PJA2: variants seen among roughly 807,000 people sequenced by gnomAD.
PJA2 encodes the protein E3 ubiquitin-protein ligase Praja-2.
A neutral mutation model predicts 69.3 loss-of-function variants in PJA2; 25 were observed. That is an observed-to-expected ratio of 0.36 (90% CI 0.26 to 0.50). PJA2 has a LOEUF of 0.50. Among genes scored for constraint, PJA2 ranks in the 20% least tolerant of loss-of-function variants. PJA2 has a pLI of 0.96. For synonymous variants in PJA2, 308 were observed against 277.8 expected, an observed-to-expected ratio of 1.11 and a Z score of -1.08; for missense variants, 809 against 830.2, an observed-to-expected ratio of 0.97 and a Z score of 0.31.
intron 2 of PJA2, among the ~76,000 whole-genome samples, chr5:109,383,200 T>C (rs1426147354): frequency 6.6e-6 from 1 of 152,158 alleles, no homozygotes; most frequent in Non-Finnish European, 1.5e-5. Context: ...CCAAGCTAAA[T>C]GGGTATGGAA....
At chr5:109,358,000 T>C (rs1023829556) in intron 6 of PJA2, among the ~76,000 whole-genome samples, 2 of 152,240 alleles carry the variant, frequency 1.3e-5, no homozygotes, top group Non-Finnish European at 2.9e-5. Context: ...GCAGTCACCA[T>C]GGTAATAACT....
intron 2 of PJA2, among the ~76,000 whole-genome samples, chr5:109,382,794 G>C (rs1747080267): frequency 6.6e-6 from 1 of 150,780 alleles, no homozygotes. Context: ...GTTGCAGTGA[G>C]CCAAGACTGT....
intron 4 of PJA2, among the ~76,000 whole-genome samples, chr5:109,372,703 C>T (rs1325077791): frequency 1.3e-5 from 2 of 151,456 alleles, no homozygotes; most frequent in Non-Finnish European, 2.9e-5. Context: ...GTCGGGAGCT[C>T]GAGACCAGCC....
At chr5:109,398,737 T>G (rs1322611792) in intron 1 of PJA2, among the ~76,000 whole-genome samples, 4 of 151,380 alleles carry the variant, frequency 2.6e-5, no homozygotes, top group Non-Finnish European at 5.9e-5. Context: ...GTAACAAACC[T>G]GCACATTGTG....
At chr5:109,367,306 C>G (rs1485525584) in intron 5 of PJA2, among the ~76,000 whole-genome samples, 2 of 150,776 alleles carry the variant, frequency 1.3e-5, no homozygotes, top group African/African-American at 4.9e-5. Flanking sequence ...CCTAGATTTT[C>G]TTATAGGATT....
intron 1 of PJA2, among the ~76,000 whole-genome samples, chr5:109,385,170 G>A (rs1329746874): frequency 6.6e-6 from 1 of 152,212 alleles, no homozygotes; most frequent in Admixed American, 6.5e-5. Context: ...CCACAGAAGA[G>A]ATATTTGACT....
chr5:109,341,547 G>A (rs1474318479), intron 9 of PJA2, among the ~76,000 whole-genome samples: 3 of 140,336 alleles, frequency 2.1e-5, no homozygotes, highest in Non-Finnish European at 3.2e-5. Flanking sequence ...CGGGAGGGAG[G>A]TGGGGGGGGG....
intron 5 of PJA2, among the ~76,000 whole-genome samples, chr5:109,365,551 T>C (rs551430781): frequency 1.3e-5 from 2 of 150,794 alleles, no homozygotes; most frequent in African/African-American, 4.9e-5. Flanking sequence ...TTCCATACTG[T>C]CTAAACTCAC....
chr5:109,346,955 G>A (rs1178776126), intron 7 of PJA2, among the ~76,000 whole-genome samples: 1 of 152,120 alleles, frequency 6.6e-6, no homozygotes, highest in East Asian at 1.9e-4. Context: ...TCTTCTGGAT[G>A]GCAAACATAA....
chr5:109,381,212 T>C (rs1269323563), intron 3 of PJA2, among the ~76,000 whole-genome samples: 1 of 152,084 alleles, frequency 6.6e-6, no homozygotes, highest in Non-Finnish European at 1.5e-5. Context: ...TCAAAATATA[T>C]CTTTTTGATT....
intron 1 of PJA2, among the ~76,000 whole-genome samples, chr5:109,385,629 G>C (rs1747140568): frequency 6.6e-6 from 1 of 152,166 alleles, no homozygotes; most frequent in Non-Finnish European, 1.5e-5. Flanking sequence ...GGAGTTGTCA[G>C]TGTATAGATT....
Position 109,361,000 on chromosome 5 carries a change from C to T in PJA2, c.1652+1840G>A, listed in dbSNP as rs1021231950. 8.5e-5 allele frequency among the ~76,000 whole-genome samples: 13 copies of T among 152,104 alleles called. No individual in the cohort carries two copies. The East Asian group carries it at 2.5e-3, about 29-fold the overall frequency. The stretch of plus-strand genomic sequence containing the variant: ...CAAATTAGCCAGGTGTGGTGGCAGG[C>T]GCCTGTAATCCCAGCTACTTGGGAG... On this transcript the variant is annotated intron_variant, in intron 6 of 9. Coordinates refer to ENST00000361189, the MANE Select transcript of PJA2 (RefSeq NM_014819.5).
At chr5:109,390,261 GA>G (rs1162937872) in intron 1 of PJA2, among the ~76,000 whole-genome samples, 2 of 151,808 alleles carry the variant, frequency 1.3e-5, no homozygotes, top group African/African-American at 4.8e-5. Context: ...TACATATTTG[GA>G]AGCTGTGTTA....
At chr5:109,399,551 A>T (rs1380861801) in intron 1 of PJA2, among the ~76,000 whole-genome samples, 1 of 152,232 alleles carries the variant, frequency 6.6e-6, no homozygotes, top group Non-Finnish European at 1.5e-5. Context: ...ATGCAACCAC[A>T]GAAACGAAAT....
At chr5:109,368,933 G>C (rs1762628407) in intron 4 of PJA2, among the ~76,000 whole-genome samples, 187 bp from the exon 5 acceptor site, 1 of 152,088 alleles carries the variant, frequency 6.6e-6, no homozygotes, top group South Asian at 2.1e-4. Flanking sequence ...CTTCATAAGA[G>C]TTTAGCATTA....
At chr5:109,351,318 A>G (rs1188988805) in intron 7 of PJA2, among the ~76,000 whole-genome samples, 1 of 152,150 alleles carries the variant, frequency 6.6e-6, no homozygotes, top group Non-Finnish European at 1.5e-5. Context: ...AATATGTCTC[A>G]TTCCGGTAAT....
At chr5:109,408,936 C>T (rs1747755664) in intron 1 of PJA2, among the ~76,000 whole-genome samples, 1 of 152,074 alleles carries the variant, frequency 6.6e-6, no homozygotes, top group African/African-American at 2.4e-5. Context: ...ATACATTAAG[C>T]CTGCAATGAA....
chr5:109,401,488 A>T (rs1190011581), intron 1 of PJA2, among the ~76,000 whole-genome samples: 1 of 152,234 alleles, frequency 6.6e-6, no homozygotes, highest in East Asian at 1.9e-4. Flanking sequence ...AATAAAATTT[A>T]AAAACCACTG....
intron 1 of PJA2, among the ~76,000 whole-genome samples, chr5:109,406,040 ATTTTTT>A (rs35924063): frequency 9.7e-6 from 1 of 103,434 alleles, no homozygotes; most frequent in Admixed American, 1.0e-4. Flanking sequence ...AGACAAACCC[ATTTTTT>A]TTTTTTTTTT....
Sources: allele counts gnomAD v4.1 joint callset (sites outside exome capture counted in the v4.1 genomes callset), GRCh38; gene constraint gnomAD v4.1.1; transcripts MANE v1.5; gene names NCBI Gene and HGNC (gene_info 2026-07-23, HGNC 2026-07-21).